Variants in AUTS2 observed in about 807,000 individuals in gnomAD.
AUTS2 encodes activator of transcription and developmental regulator AUTS2.
A neutral mutation model predicts 112.4 loss-of-function variants in AUTS2; 17 were observed. The ratio of observed to expected loss-of-function variants is 0.15; its 90% confidence interval spans 0.10 to 0.23. The LOEUF (loss-of-function observed/expected upper bound fraction) is 0.23, where lower values mean the gene tolerates loss of function less well. Among genes scored for constraint, AUTS2 ranks in the 10% least tolerant of loss-of-function variants. The pLI, the probability that AUTS2 is intolerant of heterozygous loss-of-function variation, is 1.00. For missense variants in AUTS2, 1,510 were observed against 1,701.6 expected (o/e 0.89, Z 1.98); for synonymous variants, 751 against 702.7 (o/e 1.07, Z -1.09).
In AUTS2 at chr7:69,890,011, C is replaced by T. The variant is rs569032871; in HGVS notation, c.310-9275C>T. On this transcript the variant is annotated intron_variant, in intron 1 of 18. Coordinates refer to ENST00000342771, the MANE Select transcript of AUTS2 (RefSeq NM_015570.4). ...CTCAGCTTTCAGAATGTTGTTGTTA[C>T]GGAGGAGTTAATTTTTTTTTTAAGG... Among the ~76,000 whole-genome samples the T allele has an allele frequency of 2.0e-3, 304 of 152,124 alleles. 1 individual carries two copies. The highest frequency in any genetic ancestry group is 3.6e-3 in the Non-Finnish European group (247 of 68,008).
At chr7:70,144,792 T>C (rs1031869239) in intron 4 of AUTS2, among the ~76,000 whole-genome samples, 6 of 152,100 alleles carry the variant, frequency 3.9e-5, no homozygotes, top group Admixed American at 3.3e-4. Context: ...TAGTTGAAAG[T>C]CACATTAATT....
chr7:70,387,238 T>G (rs778976229), intron 4 of AUTS2, among the ~76,000 whole-genome samples: 23 of 152,218 alleles, frequency 1.5e-4, no homozygotes, highest in Non-Finnish European at 2.9e-4. Flanking sequence ...GCCATGACTC[T>G]GCTCCCGTTA....
intron 4 of AUTS2, among the ~76,000 whole-genome samples, chr7:70,330,625 A>G (rs1790699846): frequency 6.6e-6 from 1 of 152,192 alleles, no homozygotes; most frequent in African/African-American, 2.4e-5. Flanking sequence ...TTGCAATTCC[A>G]TACAAATCTG....
intron 5 of AUTS2, among the ~76,000 whole-genome samples, chr7:70,635,570 C>G (rs13232103): frequency 6.6e-6 from 1 of 152,016 alleles, no homozygotes; most frequent in East Asian, 1.9e-4. Context: ...GGAGAGGAAA[C>G]GAGTTTTAGG....
intron 5 of AUTS2, among the ~76,000 whole-genome samples, chr7:70,573,273 C>T (rs1023322288): frequency 7.2e-5 from 11 of 152,184 alleles, no homozygotes; most frequent in South Asian, 2.1e-4. Context: ...TGGCCACAGA[C>T]GCAGTGGATT....
chr7:70,240,142 C>G (rs977697726), intron 4 of AUTS2, among the ~76,000 whole-genome samples: 6 of 152,134 alleles, frequency 3.9e-5, no homozygotes, highest in African/African-American at 1.4e-4. Context: ...CTCCCAGCCC[C>G]GGTAGCCAAG....
intron 4 of AUTS2, among the ~76,000 whole-genome samples, chr7:70,418,354 G>T (rs1252900556): frequency 6.6e-6 from 1 of 152,152 alleles, no homozygotes; most frequent in Admixed American, 6.5e-5. Flanking sequence ...TCTCTTAAAT[G>T]CATTAATTTT....
chr7:70,000,821 C>G (rs1799157398), intron 2 of AUTS2, among the ~76,000 whole-genome samples: 1 of 152,186 alleles, frequency 6.6e-6, no homozygotes, highest in Non-Finnish European at 1.5e-5. Flanking sequence ...CATGGTCTCT[C>G]ATTTTCTGAT....
intron 5 of AUTS2, among the ~76,000 whole-genome samples, chr7:70,647,029 A>G (rs903361021): frequency 6.6e-6 from 1 of 152,176 alleles, no homozygotes; most frequent in African/African-American, 2.4e-5. Context: ...TTAGCCCAGC[A>G]TTGCTCAGTC....
At chr7:69,779,830 G>A (rs2129311930) in intron 1 of AUTS2, among the ~76,000 whole-genome samples, 1 of 150,714 alleles carries the variant, frequency 6.6e-6, no homozygotes, top group South Asian at 2.1e-4. Context: ...GTGTATACTA[G>A]TCATAGCTAC....
intron 3 of AUTS2, among the ~76,000 whole-genome samples, chr7:70,129,689 A>G (rs1806167184): frequency 6.6e-6 from 1 of 152,204 alleles, no homozygotes; most frequent in African/African-American, 2.4e-5. Flanking sequence ...CATGAAGACA[A>G]GAGCAAGAAT....
intron 4 of AUTS2, among the ~76,000 whole-genome samples, chr7:70,309,987 A>G (rs916599424): frequency 6.6e-6 from 1 of 152,202 alleles, no homozygotes; most frequent in Non-Finnish European, 1.5e-5. Flanking sequence ...ACTGAATCAA[A>G]CTTGTTACTT....
At chr7:69,675,273 G>A (rs772984272) in intron 1 of AUTS2, among the ~76,000 whole-genome samples, 4 of 151,960 alleles carry the variant, frequency 2.6e-5, no homozygotes, top group Non-Finnish European at 4.4e-5. Context: ...TTTTTTAGAC[G>A]TACATGAAAC....
chr7:70,372,659 T>C (rs1792891022), intron 4 of AUTS2, among the ~76,000 whole-genome samples: 1 of 135,020 alleles, frequency 7.4e-6, no homozygotes, highest in Admixed American at 7.2e-5. Context: ...CCTTTCTTTC[T>C]TTTTTTTTTT....
At chr7:70,439,433 G>T (rs1484799613) in intron 5 of AUTS2, among the ~76,000 whole-genome samples, 1 of 151,938 alleles carries the variant, frequency 6.6e-6, no homozygotes, top group Non-Finnish European at 1.5e-5. Context: ...CAGCTACTCG[G>T]GAGGCTGAGG....
Position 70,173,513 on chromosome 7 carries a change from G to A in AUTS2, c.660+38942G>A, listed in dbSNP as rs191406004. Among the ~76,000 whole-genome samples the A allele has an allele frequency of 2.5e-3, 377 of 152,282 alleles. 3 individuals carry two copies. The highest frequency in any genetic ancestry group is 8.6e-3 in the African/African-American group (357 of 41,550). The stretch of plus-strand genomic sequence containing the variant: ...TGGCATATTTACATGACAGTAGCAT[G>A]TACTTCTCTTTTATATGTCATTCAT... On this transcript the variant is annotated intron_variant, in intron 4 of 18. Coordinates refer to ENST00000342771, the MANE Select transcript of AUTS2 (RefSeq NM_015570.4).
At chr7:70,782,989 G>A (rs1791191167) in intron 15 of AUTS2, 1 of 152,190 alleles carries the variant, frequency 6.6e-6, no homozygotes, top group Admixed American at 6.5e-5. Flanking sequence ...TGGCACCTAG[G>A]CTCTGAGACA....
At chr7:70,140,540 C>T (rs1806806854) in intron 4 of AUTS2, among the ~76,000 whole-genome samples, 1 of 152,144 alleles carries the variant, frequency 6.6e-6, no homozygotes, top group Non-Finnish European at 1.5e-5. Flanking sequence ...AAACTGTCTT[C>T]TTCCCCACTT....
In AUTS2 at chr7:70,549,272, T is replaced by C. The variant is rs987315801; in HGVS notation, c.690+113491T>C. Among the ~76,000 whole-genome samples the C allele has an allele frequency of 9.9e-4, 151 of 152,228 alleles. 12 individuals are homozygous for C. Among genetic ancestry groups the C allele is most frequent in the Admixed American group, 1.3e-4 (2 of 15,282 alleles). ...TTAATAGCTGTTTTGTAAATTCCTT[T>C]ATCAGATTTTTCCGTGTACAGGATC... On this transcript the variant is annotated intron_variant, in intron 5 of 18. Coordinates refer to ENST00000342771, the MANE Select transcript of AUTS2 (RefSeq NM_015570.4).
Sources: gnomAD v4.1 joint callset for allele counts (sites outside exome capture counted in the v4.1 genomes callset) on GRCh38, gnomAD v4.1.1 for gene constraint, MANE v1.5 for transcripts, NCBI Gene and HGNC (gene_info 2026-07-23, HGNC 2026-07-21) for gene names.